Variants in RANBP2 observed in about 807,000 individuals in gnomAD.
RANBP2 encodes E3 SUMO-protein ligase RanBP2.
A neutral mutation model predicts 303.6 loss-of-function variants in RANBP2; 57 were observed. The observed-to-expected ratio is 0.19, with a 90% CI of 0.15 to 0.23. The LOEUF (loss-of-function observed/expected upper bound fraction) is 0.23, where lower values mean the gene tolerates loss of function less well. Ranked by LOEUF, RANBP2 falls within the 10% of genes least tolerant of loss-of-function variation. RANBP2 has a pLI of 1.00. For synonymous variants in RANBP2, 1,167 were observed against 1,301.5 expected (o/e 0.90, Z 2.23); for missense variants, 3,138 against 3,780.8 (o/e 0.83, Z 4.46).
the RANBP2 span, among the ~76,000 whole-genome samples, chr2:109,032,158 C>A: frequency 2.0e-5 from 3 of 152,130 alleles, no homozygotes; most frequent in Admixed American, 6.5e-5. Context: ...TGCCCACCTT[C>A]CCCCTGTTTT....
At chr2:109,567,860 G>A in the RANBP2 span, 1 of 1,613,088 alleles carries the variant, frequency 6.2e-7, no homozygotes. Flanking sequence ...CATCCGTTGG[G>A]AACTGGTATA....
the RANBP2 span, among the ~76,000 whole-genome samples, chr2:109,193,497 AATC>A: frequency 6.6e-6 from 1 of 152,202 alleles, no homozygotes; most frequent in African/African-American, 2.4e-5. Context: ...ATATGAATGG[AATC>A]ATACAGTTTG....
the RANBP2 span, among the ~76,000 whole-genome samples, chr2:109,689,983 T>C: frequency 6.6e-6 from 1 of 152,126 alleles, no homozygotes; most frequent in African/African-American, 2.4e-5. Context: ...TATGTACCTA[T>C]TGGGGGTATG....
At chr2:108,815,945 C>T in the RANBP2 span, 1 of 1,603,874 alleles carries the variant, frequency 6.2e-7, no homozygotes, top group Non-Finnish European at 8.5e-7. Flanking sequence ...ATATAGGTAC[C>T]ACTTAATGGG....
At chr2:109,034,163 G>A in the RANBP2 span, among the ~76,000 whole-genome samples, 4 of 151,080 alleles carry the variant, frequency 2.6e-5, no homozygotes, top group East Asian at 1.9e-4. Context: ...CCAGCTACTC[G>A]GGAGGCTGAG....
At chr2:109,265,183 G>A in the RANBP2 span, among the ~76,000 whole-genome samples, 1 of 152,106 alleles carries the variant, frequency 6.6e-6, no homozygotes, top group Admixed American at 6.6e-5. Context: ...AGAGAGCCAG[G>A]AGGGTTCCTA....
the RANBP2 span, among the ~76,000 whole-genome samples, chr2:108,814,165 G>A: frequency 6.6e-6 from 1 of 152,166 alleles, no homozygotes; most frequent in African/African-American, 2.4e-5. Flanking sequence ...TTAAGAAACT[G>A]ACAGTTTTCC....
At chr2:108,846,958 A>G in the RANBP2 span, 4 of 1,248,804 alleles carry the variant, frequency 3.2e-6, no homozygotes, top group Admixed American at 6.1e-5. Context: ...CTTATGGTTA[A>G]TTTTGAGAAA....
chr2:109,306,904 C>T, the RANBP2 span, among the ~76,000 whole-genome samples: 1 of 152,154 alleles, frequency 6.6e-6, no homozygotes, highest in Non-Finnish European at 1.5e-5. Context: ...ACGGTAGGGC[C>T]GCGGCATGCA....
At chr2:109,471,471 C>T in the RANBP2 span, among the ~76,000 whole-genome samples, 2 of 152,144 alleles carry the variant, frequency 1.3e-5, no homozygotes, top group African/African-American at 4.8e-5. Flanking sequence ...AGAAACTGCC[C>T]CCGTGATCTA....
the RANBP2 span, among the ~76,000 whole-genome samples, chr2:109,119,682 T>G: frequency 6.6e-6 from 1 of 152,214 alleles, no homozygotes; most frequent in Non-Finnish European, 1.5e-5. Context: ...CAAATTAAAA[T>G]AAAGTATATT....
chr2:108,749,278 G>C lies in RANBP2; in HGVS notation c.1273+149G>C, dbSNP rs1312007880. 15 of 1,402,062 alleles carry C rather than the reference G, an allele frequency of 1.1e-5. No homozygotes were observed. The East Asian group carries it at 2.1e-4, about 20-fold the overall frequency. The allele number at this position is 1,402,062 out of a possible 1,614,324, so 86.9% of individuals were successfully genotyped here. On this transcript the variant is annotated intron_variant, in intron 9 of 28. Transcript: ENST00000283195. ...GGGGGAGTTTGAATGTGGTGCTGTG[G>C]GGGTGGCATGTATTTTTTGTTGTTG...
the RANBP2 span, among the ~76,000 whole-genome samples, chr2:109,474,963 G>GT: frequency 1.6e-4 from 24 of 151,338 alleles, no homozygotes; most frequent in African/African-American, 2.9e-4. Flanking sequence ...GTTTTGTTTG[G>GT]GTTTTTTTTG....
At chr2:109,739,489 G>A in the RANBP2 span, among the ~76,000 whole-genome samples, 3 of 152,058 alleles carry the variant, frequency 2.0e-5, no homozygotes, top group Non-Finnish European at 4.4e-5. Context: ...TGGCTATTGC[G>A]AATGGGATTA....
the RANBP2 span, among the ~76,000 whole-genome samples, chr2:108,791,340 A>G: frequency 6.6e-6 from 1 of 152,246 alleles, no homozygotes; most frequent in South Asian, 2.1e-4. Flanking sequence ...TAGTTTACTT[A>G]TGTATATTAT....
the RANBP2 span, among the ~76,000 whole-genome samples, chr2:109,554,386 T>C: frequency 1.3e-5 from 2 of 152,208 alleles, no homozygotes; most frequent in Non-Finnish European, 2.9e-5. Context: ...GTTACAATAA[T>C]ATGTATTCAT....
chr2:109,320,330 G>A, the RANBP2 span, among the ~76,000 whole-genome samples: 1 of 152,168 alleles, frequency 6.6e-6, no homozygotes. Context: ...TAGAGAGGGA[G>A]GTACAGGCCC....
the RANBP2 span, among the ~76,000 whole-genome samples, chr2:109,299,203 G>A: frequency 7.4e-4 from 112 of 152,328 alleles, no homozygotes; most frequent in African/African-American, 2.5e-3. Context: ...TTAAAACTGC[G>A]ACCCTGCCTC....
the RANBP2 span, among the ~76,000 whole-genome samples, chr2:109,046,378 T>C: frequency 7.2e-6 from 1 of 139,188 alleles, no homozygotes; most frequent in Admixed American, 7.2e-5. Flanking sequence ...CTTTTTTTTT[T>C]TTAAACTTAC....
Sources: gnomAD v4.1 joint callset for allele counts (sites outside exome capture counted in the v4.1 genomes callset) on GRCh38, gnomAD v4.1.1 for gene constraint, MANE v1.5 for transcripts, NCBI Gene and HGNC (gene_info 2026-07-23, HGNC 2026-07-21) for gene names.